EPDR1: variants seen among roughly 807,000 people sequenced by gnomAD.
EPDR1 encodes the protein mammalian ependymin-related protein 1.
Under a neutral mutation model 23.7 loss-of-function variants are expected in EPDR1, and 27 were observed. The observed-to-expected ratio is 1.14, with a 90% confidence interval of 0.84 to 1.57. The LOEUF is 1.57. EPDR1 is among the 40% of genes most tolerant of loss of function. EPDR1 has a pLI of 0.00. For synonymous variants in EPDR1, 137 were observed against 118.2 expected (o/e 1.16, Z -1.03); for missense variants, 349 against 290.4 (o/e 1.20, Z -1.47).
Position 37,948,921 on chromosome 7 carries a change from C to G in EPDR1, c.351C>G (p.Thr117=), listed in dbSNP as rs141110114. ...DQATKQCSKM[T]LTQPWDPLDI... is the part of the protein sequence containing the mutation. The stretch of plus-strand genomic sequence containing the variant: ...CCACCAAGCAGTGCTCAAAGATGAC[C>G]CTGACACAGCCCTGGGATCCTCTTG... Residue 117 remains threonine, a synonymous_variant, in exon 2 of 3, where the codon ACC becomes ACG. Transcript: ENST00000199448. 87 of 1,614,042 alleles carry G rather than the reference C, an allele frequency of 5.4e-5. No homozygotes were observed. The highest frequency in any genetic ancestry group is 6.7e-5 in the African/African-American group (5 of 74,974).
At chr7:37,938,244 C>A (rs1786098826) in intron 1 of EPDR1, among the ~76,000 whole-genome samples, 1 of 151,982 alleles carries the variant, frequency 6.6e-6, no homozygotes, top group Non-Finnish European at 1.5e-5. Flanking sequence ...CCTGCCATGA[C>A]CTCCCAAAGT....
intron 1 of EPDR1, among the ~76,000 whole-genome samples, chr7:37,933,306 T>A: frequency 6.6e-6 from 1 of 152,216 alleles, no homozygotes; most frequent in East Asian, 1.9e-4. Flanking sequence ...CCTTTTGTAA[T>A]CACAATATAA....
intron 1 of EPDR1, among the ~76,000 whole-genome samples, chr7:37,939,135 C>T (rs1583668236): frequency 6.6e-6 from 1 of 152,006 alleles, no homozygotes; most frequent in East Asian, 1.9e-4. Flanking sequence ...CCCACCACCA[C>T]ACCCGGCTAA....
intron 1 of EPDR1, among the ~76,000 whole-genome samples, chr7:37,925,274 T>C (rs1457100354): frequency 1.3e-5 from 2 of 152,196 alleles, no homozygotes; most frequent in Admixed American, 1.3e-4. Context: ...CACCAGTAAC[T>C]ATAGGCTCCC....
intron 1 of EPDR1, among the ~76,000 whole-genome samples, chr7:37,944,540 G>A (rs1786234370): frequency 6.6e-6 from 1 of 152,196 alleles, no homozygotes; most frequent in South Asian, 2.1e-4. Context: ...AGGCTTAATG[G>A]ACTCACAGTG....
chr7:37,950,193 C>G lies in EPDR1; in HGVS notation c.479-7C>G, dbSNP rs1467826899. 4 of 1,586,074 alleles carry G rather than the reference C, an allele frequency of 2.5e-6. No individual in the cohort carries two copies. The African/African-American group carries it at 5.4e-5, about 21-fold the overall frequency. On this transcript the variant is annotated splice_region_variant and splice_polypyrimidine_tract_variant and intron_variant, in intron 2 of 2. Coordinates refer to ENST00000199448, the MANE Select transcript of EPDR1 (RefSeq NM_017549.5). Reference sequence around the variant, plus strand: ...TTATTTAAAAGTCAACTTTTTTCCTCTTATAGATGAAACCTGGATTGGCAT... The same window carrying G: ...TTATTTAAAAGTCAACTTTTTTCCTGTTATAGATGAAACCTGGATTGGCAT...
At position 37,950,455 on chromosome 7, in the gene EPDR1, A is replaced by C; in HGVS notation, c.*59A>C. 1 of 1,455,118 alleles carries C rather than the reference A, an allele frequency of 6.9e-7. No homozygotes were observed. Among genetic ancestry groups the C allele is most frequent in the Middle Eastern group, 1.9e-4 (1 of 5,294 alleles). The allele number at this position is 1,455,118 out of a possible 1,614,324, so 90.1% of individuals were successfully genotyped here. On this transcript the variant is annotated 3_prime_UTR_variant, in exon 3 of 3. Transcript: ENST00000199448. ...CAGCCCCCTGCGGCCCCAGCTGGAG[A>C]TGGATATGAGACTAGTCAAGATGTG...
intron 1 of EPDR1, among the ~76,000 whole-genome samples, chr7:37,948,498 C>T (rs1405657782): frequency 2.6e-5 from 4 of 152,030 alleles, no homozygotes; most frequent in Admixed American, 2.6e-4. Context: ...TGTGCACTGC[C>T]ATGTCTGGCT....
In EPDR1 at chr7:37,950,433, C is replaced by A; in HGVS notation, c.*37C>A. 3 of 1,535,372 alleles carry A rather than the reference C, an allele frequency of 2.0e-6. No individual in the cohort carries two copies. Among genetic ancestry groups the A allele is most frequent in the African/African-American group, 1.4e-5 (1 of 72,884 alleles). The stretch of plus-strand genomic sequence containing the variant: ...GGGAAGCGGCAGCATCGGATGTCAG[C>A]CCCCTGCGGCCCCAGCTGGAGATGG... On this transcript the variant is annotated 3_prime_UTR_variant, in exon 3 of 3. Transcript: ENST00000199448.
chr7:37,934,107 G>A (rs544827505), intron 1 of EPDR1, among the ~76,000 whole-genome samples: 1 of 151,992 alleles, frequency 6.6e-6, no homozygotes, highest in Admixed American at 6.6e-5. Context: ...CTCCCCAGCA[G>A]CTGGGACTAT....
chr7:37,933,601 C>A (rs745991413), intron 1 of EPDR1, among the ~76,000 whole-genome samples: 8 of 152,172 alleles, frequency 5.3e-5, no homozygotes, highest in Non-Finnish European at 1.2e-4. Flanking sequence ...CCTGACTACT[C>A]CAAATTGTGA....
intron 1 of EPDR1, among the ~76,000 whole-genome samples, chr7:37,944,721 C>T (rs1786238428): frequency 6.6e-6 from 1 of 152,190 alleles, no homozygotes. Flanking sequence ...CCCCAGGTCC[C>T]TCCCATGACA....
intron 1 of EPDR1, among the ~76,000 whole-genome samples, chr7:37,940,226 A>G (rs1268150804): frequency 6.6e-6 from 1 of 152,160 alleles, no homozygotes; most frequent in Non-Finnish European, 1.5e-5. Context: ...GTAGTTGCTT[A>G]TTTTTTGACA....
chr7:37,948,044 T>C (rs1452489274), intron 1 of EPDR1, among the ~76,000 whole-genome samples: 1 of 152,226 alleles, frequency 6.6e-6, no homozygotes, highest in African/African-American at 2.4e-5. Flanking sequence ...CAAAGCCCCT[T>C]ACTCATGACT....
chr7:37,929,822 C>T (rs1785894708), intron 1 of EPDR1, among the ~76,000 whole-genome samples: 1 of 152,226 alleles, frequency 6.6e-6, no homozygotes, highest in South Asian at 2.1e-4. Flanking sequence ...GCCACTCCCC[C>T]ACTGCCCTCT....
chr7:37,943,788 A>G (rs1786217330), intron 1 of EPDR1, among the ~76,000 whole-genome samples: 1 of 152,234 alleles, frequency 6.6e-6, no homozygotes. Context: ...AGCAAATGTT[A>G]ACATTTCATA....
chr7:37,921,504 C>T (rs1375595598), intron 1 of EPDR1: 1 of 1,331,882 alleles, frequency 7.5e-7, no homozygotes, highest in Non-Finnish European at 9.6e-7. Flanking sequence ...GCCCCATGCC[C>T]AGGTTCGCCC....
At chr7:37,939,913 C>T (rs1298736833) in intron 1 of EPDR1, among the ~76,000 whole-genome samples, 3 of 152,162 alleles carry the variant, frequency 2.0e-5, no homozygotes, top group Non-Finnish European at 4.4e-5. Flanking sequence ...ACCACAAATG[C>T]TTTTACCTTT....
chr7:37,948,379 A>C (rs1786325362), intron 1 of EPDR1, among the ~76,000 whole-genome samples: 1 of 147,120 alleles, frequency 6.8e-6, no homozygotes. Context: ...ACGGGATCTC[A>C]CCCAGGCTGT....
Sources: gnomAD v4.1 joint callset for allele counts (sites outside exome capture counted in the v4.1 genomes callset) on GRCh38, gnomAD v4.1.1 for gene constraint, MANE v1.5 for transcripts, NCBI Gene and HGNC (gene_info 2026-07-23, HGNC 2026-07-21) for gene names.